ICE2: variants seen among roughly 807,000 people sequenced by gnomAD.
ICE2 encodes interactor of little elongation complex ELL subunit 2.
In ICE2, 87 loss-of-function variants were observed where a neutral mutation model predicts 105.4. The observed-to-expected ratio is 0.83, with a 90% CI of 0.69 to 0.99. The LOEUF (loss-of-function observed/expected upper bound fraction) is 0.99, where lower values mean the gene tolerates loss of function less well. Among genes scored for constraint, ICE2 ranks in the 50% least tolerant of loss-of-function variants. The pLI, the probability that ICE2 is intolerant of heterozygous loss-of-function variation, is 0.00. For missense variants in ICE2, 1,323 were observed against 1,146.7 expected (o/e 1.15, Z -2.22); for synonymous variants, 399 against 392.0 (o/e 1.02, Z -0.21).
chr15:60,455,400 T>C lies in ICE2; in HGVS notation c.709A>G (p.Ile237Val), dbSNP rs775528827. ...YVKTVFPSMP[I>V]KLQLSKDDIA... ...TCGTCCTTTGACAGCTGCAACTTTA[T>C]AGGCATTGAGGGAAATACTGTTTTC... is the stretch of plus-strand genomic sequence containing the variant. Residue 237 changes from isoleucine to valine, a missense_variant, in exon 7 of 16, where the codon ATA becomes GTA. Transcript: ENST00000261520. The C allele has an allele frequency of 2.5e-6, 4 of 1,613,788 alleles. No homozygotes were observed. The highest frequency in any genetic ancestry group is 4.5e-5 in the East Asian group (2 of 44,860).
chr15:60,453,870 CCAAA>C (rs778201656), intron 8 of ICE2, 86 bp from the exon 9 acceptor site: 164 of 1,044,426 alleles, frequency 1.6e-4, no homozygotes, highest in Non-Finnish European at 3.3e-5. Context: ...ATGAGGATCA[CCAAA>C]CAAAGAGACA....
At chr15:60,427,770 T>C (rs940806382) in intron 15 of ICE2, among the ~76,000 whole-genome samples, 27 of 152,170 alleles carry the variant, frequency 1.8e-4, no homozygotes, top group African/African-American at 6.0e-4. Context: ...CTACACAATA[T>C]ACAGAATGAG....
At chr15:60,429,274 T>A (rs561502998) in intron 14 of ICE2, among the ~76,000 whole-genome samples, 1 of 152,228 alleles carries the variant, frequency 6.6e-6, no homozygotes, top group Non-Finnish European at 1.5e-5. Context: ...AAATTTATTT[T>A]CTATTAGATC....
At chr15:60,428,988 T>C (rs901995098) in intron 14 of ICE2, among the ~76,000 whole-genome samples, 12 of 152,348 alleles carry the variant, frequency 7.9e-5, no homozygotes, top group South Asian at 2.1e-4. Flanking sequence ...CTCTAATCCA[T>C]AGATTAGATA....
At chr15:60,444,635 T>C (rs1014341773) in intron 11 of ICE2, among the ~76,000 whole-genome samples, 2 of 152,206 alleles carry the variant, frequency 1.3e-5, no homozygotes, top group Non-Finnish European at 2.9e-5. Context: ...TAATCATGTA[T>C]TGAACTCAGT....
intron 12 of ICE2, chr15:60,440,791 A>C (rs1225800807): frequency 2.6e-5 from 4 of 152,186 alleles, no homozygotes; most frequent in Non-Finnish European, 5.9e-5. Context: ...CCCCACCAAA[A>C]AACCCCGAAC....
At chr15:60,438,369 C>G (rs1239303512) in intron 12 of ICE2, 1 of 152,066 alleles carries the variant, frequency 6.6e-6, no homozygotes, top group Admixed American at 6.5e-5. Flanking sequence ...TCTTACCAAG[C>G]CCCCTTTCAT....
chr15:60,448,115 T>C lies in ICE2; in HGVS notation c.2150A>G (p.Glu717Gly), dbSNP rs770353582. The part of the protein sequence containing the change: ...RLPYELQDYV[E>G]DTSEYLAPQE... ...AGGAGCTAGGTATTCCGATGTATCTTCAACATAGTCCTGAAGTTCATATGG... is the reference window on the plus strand; with the variant it reads ...AGGAGCTAGGTATTCCGATGTATCTCCAACATAGTCCTGAAGTTCATATGG... The change falls in exon 11 of 16, where the codon GAA becomes GGA. Residue 717 changes from glutamate to glycine, a missense_variant. Transcript: ENST00000261520. 2.5e-6 allele frequency: 4 copies of C among 1,612,144 alleles called. No homozygotes were observed. The highest frequency in any genetic ancestry group is 3.4e-6 in the Non-Finnish European group (4 of 1,178,664).
At position 60,478,043 on chromosome 15, in the gene ICE2, G is replaced by C. The variant is rs951714371; in HGVS notation, c.-66C>G. 1.6e-5 allele frequency: 23 copies of C among 1,450,578 alleles called. No homozygotes were observed. Among genetic ancestry groups the C allele is most frequent in the Non-Finnish European group, 2.1e-5 (22 of 1,031,690 alleles). 89.9% of individuals were successfully genotyped at this position (1,450,578 alleles called of 1,614,324 possible). A position where few individuals can be genotyped will look rare whatever the true frequency, so the allele number is the denominator to read the frequency against. ...CTGCCTGGCTGCGAAGGCTCCAAGA[G>C]GCAGGATCCCTCCAGAACTTACTCA... On this transcript the variant is annotated 5_prime_UTR_variant, in exon 2 of 16. Coordinates refer to ENST00000261520, the MANE Select transcript of ICE2 (RefSeq NM_024611.6).
chr15:60,443,196 G>C (rs1319078762), intron 11 of ICE2: 5 of 152,154 alleles, frequency 3.3e-5, no homozygotes, highest in Non-Finnish European at 7.3e-5. Context: ...TGGCCTAAGG[G>C]AGCGTAAGCA....
chr15:60,445,679 T>C, intron 11 of ICE2: 1 of 985,214 alleles, frequency 1.0e-6, no homozygotes, highest in Non-Finnish European at 1.2e-6. Flanking sequence ...TCAAGTGAAT[T>C]ACAATGTCCT....
intron 11 of ICE2, among the ~76,000 whole-genome samples, chr15:60,443,690 T>A (rs769803544): frequency 6.6e-6 from 1 of 152,196 alleles, no homozygotes; most frequent in Admixed American, 6.5e-5. Flanking sequence ...CAAAATTAAA[T>A]GTGATTAGGA....
intron 11 of ICE2, chr15:60,447,737 A>C: frequency 3.0e-6 from 1 of 329,936 alleles, no homozygotes; most frequent in East Asian, 5.2e-5. Flanking sequence ...AGGGCTGCTC[A>C]ATCTGTATAT....
At chr15:60,465,491 T>TA (rs888998662) in intron 5 of ICE2, among the ~76,000 whole-genome samples, 8 of 152,068 alleles carry the variant, frequency 5.3e-5, no homozygotes, top group African/African-American at 1.7e-4. Context: ...CCGGACTTTT[T>TA]AAAAAAACAG....
intron 11 of ICE2, 176 bp from the exon 12 acceptor site, chr15:60,442,721 G>A: frequency 2.1e-6 from 1 of 471,208 alleles, no homozygotes; most frequent in East Asian, 4.0e-5. Context: ...ATGAATAGAA[G>A]AATGTTTGGT....
rs1228436178 is a variant in ICE2, at chr15:60,423,075, G to C, written c.*559C>G. ...GAAGTCAGTAATCTGACTTTTCAGAGGCAGGGAGTTTTTATTTTTGGCTTC... is the reference window on the plus strand; with the variant it reads ...GAAGTCAGTAATCTGACTTTTCAGACGCAGGGAGTTTTTATTTTTGGCTTC... On this transcript the variant is annotated 3_prime_UTR_variant, in exon 16 of 16. Coordinates refer to ENST00000261520, the MANE Select transcript of ICE2 (RefSeq NM_024611.6). The C allele has an allele frequency of 6.6e-6, 1 of 152,578 alleles. No individual in the cohort carries two copies. The highest frequency in any genetic ancestry group is 2.4e-5 in the African/African-American group (1 of 41,408). 9.5% of individuals were successfully genotyped at this position (152,578 alleles called of 1,614,324 possible).
chr15:60,478,701 C>A (rs1260858283), intron 1 of ICE2: 2 of 341,574 alleles, frequency 5.9e-6, no homozygotes, highest in Non-Finnish European at 1.2e-5. Context: ...ACCGAACGGG[C>A]CCGACCGGCT....
At chr15:60,465,850 C>G (rs1033837299) in intron 5 of ICE2, among the ~76,000 whole-genome samples, 1 of 150,250 alleles carries the variant, frequency 6.7e-6, no homozygotes, top group Non-Finnish European at 1.5e-5. Flanking sequence ...CTCCCGGGTT[C>G]AAGCGATTCT....
At chr15:60,431,859 C>T (rs960176265) in intron 14 of ICE2, 75 bp downstream of exon 14, 14 of 815,694 alleles carry the variant, frequency 1.7e-5, no homozygotes, top group South Asian at 3.2e-5. Context: ...CCTAACAGTA[C>T]ATTTTCAAAG....
Sources: gnomAD v4.1 joint callset for allele counts (sites outside exome capture counted in the v4.1 genomes callset) on GRCh38, gnomAD v4.1.1 for gene constraint, MANE v1.5 for transcripts, NCBI Gene and HGNC (gene_info 2026-07-23, HGNC 2026-07-21) for gene names.